The following FANCE variants were observed in gnomAD, a reference collection of about 807,000 sequenced individuals.
The protein encoded by FANCE is FA complementation group E.
Under a neutral mutation model 57.8 loss-of-function variants are expected in FANCE, and 42 were observed. The ratio of observed to expected loss-of-function variants is 0.73; its 90% confidence interval spans 0.57 to 0.94. The LOEUF is 0.94. Among genes scored for constraint, FANCE ranks in the 40% least tolerant of loss-of-function variants. The pLI, the probability that FANCE is intolerant of heterozygous loss-of-function variation, is 0.00. For missense variants in FANCE, 608 were observed against 661.8 expected (o/e 0.92, Z 0.89); for synonymous variants, 251 against 286.4 (o/e 0.88, Z 1.25).
chr6:35,466,175 C>G (rs912778808), intron 9 of FANCE, 69 bp from the exon 10 acceptor site: 13 of 971,360 alleles, frequency 1.3e-5, no homozygotes, highest in Non-Finnish European at 2.0e-5. Flanking sequence ...TCAATAGAGC[C>G]CCTGGGGTAG....
At chr6:35,463,073 G>A (rs566625367) in intron 9 of FANCE, among the ~76,000 whole-genome samples, 159 bp downstream of exon 9, 15 of 152,334 alleles carry the variant, frequency 9.8e-5, no homozygotes, top group African/African-American at 3.6e-4. Context: ...GGCCGAGGCA[G>A]GCGGATCATG....
Position 35,452,675 on chromosome 6 carries a change from C to A in FANCE, c.130C>A (p.Leu44Met). ...GGGGCCTGAGGGGGCGCGGCGCGGC[C>A]TGGGGGTGCTCCGGGCGCTGGGCAG... The part of the protein sequence containing the change: ...QAGPEGARRG[L>M]GVLRALGSRG... Residue 44 changes from leucine (L) to methionine (M), a missense_variant, in exon 1 of 10, where the codon CTG (leucine) becomes ATG (methionine). Coordinates refer to ENST00000229769, the MANE Select transcript of FANCE (RefSeq NM_021922.3). The A allele has an allele frequency of 8.1e-7, 1 of 1,241,206 alleles. No individual in the cohort carries two copies. Among genetic ancestry groups the A allele is most frequent in the Non-Finnish European group, 1.0e-6 (1 of 993,878 alleles). 76.9% of individuals were successfully genotyped at this position (1,241,206 alleles called of 1,614,324 possible). A position where few individuals can be genotyped will look rare whatever the true frequency, so the allele number is the denominator to read the frequency against.
rs755253338 is a variant in FANCE at position 35,455,850 on chromosome 6, C to T, written c.352C>T (p.Leu118=). Residue 118 remains leucine, a synonymous_variant, in exon 2 of 10, where the codon CTG becomes TTG. Transcript: ENST00000229769. ...GCCGGAAAGTGGGCTCCTCTCTGTG[C>T]TGCAGATTGCCCAGCAGGACCTAGC... The part of the protein sequence containing the change: ...SLPESGLLSV[L]QIAQQDLAPD... 3 of 1,614,080 alleles carry T rather than the reference C, an allele frequency of 1.9e-6. No individual in the cohort carries two copies. Among genetic ancestry groups the T allele is most frequent in the East Asian group, 2.2e-5 (1 of 44,888 alleles).
rs556092637 is a variant in FANCE, at chr6:35,455,971, A to T, written c.473A>T (p.Glu158Val). ...ATGGAGGGAGCTTCTCCACTGTCTG[A>T]AAGATGCCAGAGACAGCTCCAAAGT... ...TSMEGASPLSERCQRQLQSLC... is the reference protein window; with the variant it reads ...TSMEGASPLSVRCQRQLQSLC... Residue 158 changes from glutamate (E) to valine (V), a missense_variant, in exon 2 of 10, where the codon GAA (glutamate) becomes GTA (valine). Coordinates refer to ENST00000229769, the MANE Select transcript of FANCE (RefSeq NM_021922.3). 1.2e-6 allele frequency: 2 copies of T among 1,613,546 alleles called. No individual in the cohort carries two copies. The highest frequency in any genetic ancestry group is 1.7e-6 in the Non-Finnish European group (2 of 1,179,828).
chr6:35,460,420 A>T (rs985109558), intron 7 of FANCE, 132 bp from the exon 8 acceptor site: 1 of 865,986 alleles, frequency 1.2e-6, no homozygotes, highest in Non-Finnish European at 1.9e-6. Context: ...CCCACCCCTG[A>T]CTACCCCTTT....
At position 35,459,196 on chromosome 6, in the gene FANCE, C is replaced by A. The variant is rs1170244897; in HGVS notation, c.1114-135C>A. On this transcript the variant is annotated intron_variant, in intron 5 of 9. Transcript: ENST00000229769. Reference sequence around the variant, plus strand: ...ATGTATCTTTTCCAATGGGTGGGTCCATGTGAGTTCTAAATAAAAGAACTT... The same window carrying A: ...ATGTATCTTTTCCAATGGGTGGGTCAATGTGAGTTCTAAATAAAAGAACTT... 3.7e-6 allele frequency: 4 copies of A among 1,095,716 alleles called. No homozygotes were observed. The East Asian group carries it at 9.8e-5, about 27-fold the overall frequency. 67.9% of individuals were successfully genotyped at this position (1,095,716 alleles called of 1,614,324 possible). A position where few individuals can be genotyped will look rare whatever the true frequency, so the allele number is the denominator to read the frequency against.
chr6:35,459,887 C>T, intron 7 of FANCE, 127 bp downstream of exon 7: 2 of 773,210 alleles, frequency 2.6e-6, no homozygotes, highest in Non-Finnish European at 4.6e-6. Context: ...TATCATCTCA[C>T]TCCATCCTCT....
At position 35,458,876 on chromosome 6, in the gene FANCE, G is replaced by T. The variant is rs149439992; in HGVS notation, c.1113+436G>T. Among the ~76,000 whole-genome samples, 82 of 152,148 alleles carry T rather than the reference G, an allele frequency of 5.4e-4. No homozygotes were observed. In the East Asian group the frequency reaches 0.012, roughly 22 times the overall value. ...GCTCACTGCGACCTCTGCCTTTGGG[G>T]TTCAAGCGATTCTCCTGCCTCAACC... On this transcript the variant is annotated intron_variant, in intron 5 of 9. Transcript: ENST00000229769.
intron 1 of FANCE, among the ~76,000 whole-genome samples, chr6:35,455,401 G>A (rs1042299198): frequency 3.3e-5 from 5 of 151,752 alleles, no homozygotes; most frequent in African/African-American, 9.7e-5. Context: ...TCTGACTCCC[G>A]GGTTCAAGCG....
chr6:35,461,702 C>CAG (rs1767594689), intron 8 of FANCE, among the ~76,000 whole-genome samples: 1 of 149,140 alleles, frequency 6.7e-6, no homozygotes, highest in South Asian at 2.1e-4. Context: ...GGCTGGAGTG[C>CAG]AGTGGTGCGA....
intron 5 of FANCE, 102 bp from the exon 6 acceptor site, chr6:35,459,229 T>C: frequency 6.6e-7 from 1 of 1,511,020 alleles, no homozygotes; most frequent in East Asian, 2.3e-5. Context: ...CTTGGTTTTT[T>C]TTTTCCTTTG....
intron 9 of FANCE, among the ~76,000 whole-genome samples, chr6:35,464,725 ATTCTT>A (rs1304188331): frequency 0.011 from 1,500 of 134,464 alleles, 13 homozygotes; most frequent in East Asian, 0.056. Flanking sequence ...TGTGAGAGAT[ATTCTT>A]TTTTTTTTTT....
chr6:35,466,055 T>G (rs996027449), intron 9 of FANCE, among the ~76,000 whole-genome samples, 189 bp from the exon 10 acceptor site: 7 of 152,184 alleles, frequency 4.6e-5, no homozygotes, highest in Admixed American at 3.3e-4. Context: ...CTTAGTAAAT[T>G]GTGCAGCTAG....
chr6:35,455,638 C>G, intron 1 of FANCE, 109 bp from the exon 2 acceptor site: 1 of 1,317,594 alleles, frequency 7.6e-7, no homozygotes, highest in Non-Finnish European at 1.1e-6. Context: ...GCAGATACTG[C>G]GTGCCAGCCC....
Position 35,462,890 on chromosome 6 carries a change from A to G in FANCE, c.1485A>G (p.Thr495=). The change falls in exon 9 of 10, where the codon ACA becomes ACG. Residue 495 remains threonine (T), a synonymous_variant. Coordinates refer to ENST00000229769, the MANE Select transcript of FANCE (RefSeq NM_021922.3). ...TGGCCTATGCCAAGCTCATGCTGAC[A>G]GTGATGACCAAGTATCAGGCTAACG... ...TSMAYAKLML[T]VMTKYQANIT... is the part of the protein sequence containing the mutation. 3 of 1,614,244 alleles carry G rather than the reference A, an allele frequency of 1.9e-6. No homozygotes were observed. Among genetic ancestry groups the G allele is most frequent in the Non-Finnish European group, 2.5e-6 (3 of 1,180,040 alleles).
chr6:35,457,873 AC>A, intron 3 of FANCE, 42 bp from the exon 4 acceptor site: 1 of 1,556,670 alleles, frequency 6.4e-7, no homozygotes, highest in Non-Finnish European at 8.9e-7. Flanking sequence ...GTGACTTGTC[AC>A]TGAGGGCTCT....
At chr6:35,461,650 C>CTTT (rs71540107) in intron 8 of FANCE, among the ~76,000 whole-genome samples, 1 of 140,822 alleles carries the variant, frequency 7.1e-6, no homozygotes, top group Non-Finnish European at 1.5e-5. Context: ...GACCTAACTT[C>CTTT]TTTTTTTTTT....
rs1767859456 is a variant in FANCE at position 35,466,896 on chromosome 6, A to G, written c.*551A>G. 2 of 234,136 alleles carry G rather than the reference A, an allele frequency of 8.5e-6. No individual in the cohort carries two copies. Among genetic ancestry groups the G allele is most frequent in the Non-Finnish European group, 1.7e-5 (2 of 118,326 alleles). 14.5% of individuals were successfully genotyped at this position (234,136 alleles called of 1,614,324 possible). ...GCTGCTGGCCCCAGGCACACTCCTC[A>G]TCAATTCTCAGGCTGCAGGGACAAA... On this transcript the variant is annotated 3_prime_UTR_variant, in exon 10 of 10. Transcript: ENST00000229769.
chr6:35,463,909 C>G (rs1767695398), intron 9 of FANCE, among the ~76,000 whole-genome samples: 1 of 152,000 alleles, frequency 6.6e-6, no homozygotes, highest in African/African-American at 2.4e-5. Flanking sequence ...TGTGATCAGC[C>G]CGCCTCGGCC....
Sources: gnomAD v4.1 joint callset for allele counts (sites outside exome capture counted in the v4.1 genomes callset) on GRCh38, gnomAD v4.1.1 for gene constraint, MANE v1.5 for transcripts, NCBI Gene and HGNC (gene_info 2026-07-23, HGNC 2026-07-21) for gene names.